Variants in PDE4B observed in about 807,000 individuals in gnomAD.
The protein encoded by PDE4B is phosphodiesterase 4B, also known as 3',5'-cyclic-AMP phosphodiesterase 4B.
Under a neutral mutation model 82.2 loss-of-function variants are expected in PDE4B, and 20 were observed. That is an observed-to-expected ratio of 0.24 (90% CI 0.17 to 0.35). The LOEUF (loss-of-function observed/expected upper bound fraction) is 0.35. PDE4B is among the 10% of genes least tolerant of loss of function. The pLI, the probability that PDE4B is intolerant of heterozygous loss-of-function variation, is 1.00. For synonymous variants in PDE4B, 320 were observed against 318.9 expected (o/e 1.00, Z -0.04); for missense variants, 655 against 907.2 (o/e 0.72, Z 3.57).
At chr1:66,345,798 G>A (rs1443179145) in intron 8 of PDE4B, among the ~76,000 whole-genome samples, 2 of 152,086 alleles carry the variant, frequency 1.3e-5, no homozygotes, top group African/African-American at 4.8e-5. Flanking sequence ...ACCCTCATCT[G>A]GTTCCCAATG....
intron 3 of PDE4B, among the ~76,000 whole-genome samples, chr1:66,085,615 C>A (rs533143744): frequency 5.3e-5 from 8 of 152,162 alleles, no homozygotes; most frequent in African/African-American, 1.9e-4. Context: ...GAAGGGAGAT[C>A]TAGAGGGCCC....
intron 3 of PDE4B, among the ~76,000 whole-genome samples, chr1:66,072,559 T>A (rs775196992): frequency 6.6e-6 from 1 of 151,798 alleles, no homozygotes; most frequent in Non-Finnish European, 1.5e-5. Flanking sequence ...GAGAGTGGAG[T>A]TTTCCCTGTT....
In PDE4B at chr1:66,372,983, G is replaced by T. The variant is rs968312365; in HGVS notation, c.*305G>T. The T allele has an allele frequency of 3.7e-6, 1 of 273,586 alleles. No individual in the cohort carries two copies. The allele number at this position is 273,586 out of a possible 1,614,324, so 16.9% of individuals were successfully genotyped here. A position where few individuals can be genotyped will look rare whatever the true frequency, so the allele number is the denominator to read the frequency against. On this transcript the variant is annotated 3_prime_UTR_variant, in exon 17 of 17. Coordinates refer to ENST00000341517, the MANE Select transcript of PDE4B (RefSeq NM_002600.4). ...AAACTGAGAGATCATTCTGCACTAA[G>T]TTTCGGGAACTTATCCCCGACAGTG...
chr1:66,097,147 T>C (rs1645134455), intron 3 of PDE4B, among the ~76,000 whole-genome samples: 1 of 152,066 alleles, frequency 6.6e-6, no homozygotes, highest in East Asian at 1.9e-4. Flanking sequence ...GCATAATAAG[T>C]ATACGTTCAA....
At chr1:65,958,451 T>G (rs1393999693) in intron 3 of PDE4B, among the ~76,000 whole-genome samples, 1 of 152,088 alleles carries the variant, frequency 6.6e-6, no homozygotes, top group Non-Finnish European at 1.5e-5. Flanking sequence ...TTGTGGTATT[T>G]TAAAAAGTAT....
intron 3 of PDE4B, among the ~76,000 whole-genome samples, chr1:66,011,365 A>C (rs1051426746): frequency 6.6e-6 from 1 of 152,060 alleles, no homozygotes; most frequent in Non-Finnish European, 1.5e-5. Context: ...GTTGCTTGTC[A>C]CTAATACGTA....
chr1:66,096,181 T>C (rs1645110293), intron 3 of PDE4B, among the ~76,000 whole-genome samples: 1 of 151,786 alleles, frequency 6.6e-6, no homozygotes, highest in Non-Finnish European at 1.5e-5. Context: ...TTCCTTACCC[T>C]TCCTAGCCTC....
At chr1:66,126,047 C>T (rs1466715270) in intron 3 of PDE4B, among the ~76,000 whole-genome samples, 2 of 152,162 alleles carry the variant, frequency 1.3e-5, no homozygotes, top group Non-Finnish European at 2.9e-5. Context: ...CTCAGGTGAT[C>T]CACCCACCTC....
At chr1:65,841,293 A>G (rs1646203904) in intron 1 of PDE4B, among the ~76,000 whole-genome samples, 1 of 151,748 alleles carries the variant, frequency 6.6e-6, no homozygotes, top group Non-Finnish European at 1.5e-5. Context: ...ATAGAGCGAG[A>G]CTCTGCCTTC....
intron 7 of PDE4B, among the ~76,000 whole-genome samples, chr1:66,316,665 A>G (rs1401649555): frequency 6.6e-6 from 1 of 152,242 alleles, no homozygotes; most frequent in Non-Finnish European, 1.5e-5. Flanking sequence ...CCAAACACTG[A>G]AATCTTTAAT....
At chr1:65,922,736 A>G (rs1181344823) in intron 3 of PDE4B, among the ~76,000 whole-genome samples, 1 of 152,198 alleles carries the variant, frequency 6.6e-6, no homozygotes, top group Admixed American at 6.5e-5. Flanking sequence ...ACCAAGAAAG[A>G]TTAAATTATT....
At chr1:65,958,937 T>C (rs1649409456) in intron 3 of PDE4B, among the ~76,000 whole-genome samples, 1 of 152,212 alleles carries the variant, frequency 6.6e-6, no homozygotes, top group African/African-American at 2.4e-5. Flanking sequence ...ATCAGAAAAG[T>C]ATTACAGAAG....
At chr1:65,941,476 C>G (rs1432730686) in intron 3 of PDE4B, among the ~76,000 whole-genome samples, 1 of 152,046 alleles carries the variant, frequency 6.6e-6, no homozygotes, top group East Asian at 1.9e-4. Context: ...AGGTTTCCTT[C>G]TGATGCCTTG....
At chr1:66,193,001 G>A (rs561119498) in intron 3 of PDE4B, among the ~76,000 whole-genome samples, 1 of 152,210 alleles carries the variant, frequency 6.6e-6, no homozygotes, top group South Asian at 2.1e-4. Flanking sequence ...TGCCATTAAA[G>A]CCTACTTTTA....
intron 3 of PDE4B, among the ~76,000 whole-genome samples, chr1:66,173,580 T>C (rs1039118868): frequency 1.3e-5 from 2 of 152,336 alleles, no homozygotes; most frequent in Admixed American, 6.5e-5. Flanking sequence ...GTGATCAAAA[T>C]GGAACATCAC....
rs921477516 is a variant in PDE4B, at chr1:66,363,457, C to T, written c.1170C>T (p.Thr390=). ...TFRISSDTFI[T]YMMTLEDHYH... ...GAATCTCATCTGACACATTTATAAC[C>T]TACATGATGACTTTAGAAGACCATT... The change falls in exon 12 of 17, where the codon ACC becomes ACT. Residue 390 remains threonine (T), a synonymous_variant. Transcript: ENST00000341517. The T allele has an allele frequency of 1.2e-6, 2 of 1,613,398 alleles. No individual in the cohort carries two copies. Among genetic ancestry groups the T allele is most frequent in the African/African-American group, 2.7e-5 (2 of 75,008 alleles).
intron 3 of PDE4B, among the ~76,000 whole-genome samples, chr1:66,219,364 T>C (rs904609483): frequency 6.6e-6 from 1 of 152,184 alleles, no homozygotes; most frequent in Admixed American, 6.6e-5. Flanking sequence ...TTGAAACTTA[T>C]TAGTAAATCA....
rs1052986921 is a variant in PDE4B, at chr1:66,257,988, T to C, written c.584+125T>C. ...CTCTAAGCTAAGTTAATATACACAA[T>C]AAAATTTGAAAACAGGATGGAGCAC... is the stretch of plus-strand genomic sequence containing the variant. On this transcript the variant is annotated intron_variant, in intron 6 of 16. Transcript: ENST00000341517. 6 of 659,826 alleles carry C rather than the reference T, an allele frequency of 9.1e-6. No individual in the cohort carries two copies. In the Middle Eastern group the frequency reaches 1.5e-3, roughly 161 times the overall value. 40.9% of individuals were successfully genotyped at this position (659,826 alleles called of 1,614,324 possible).
intron 1 of PDE4B, among the ~76,000 whole-genome samples, chr1:65,874,950 G>T (rs1346102725): frequency 4.0e-5 from 6 of 151,866 alleles, no homozygotes; most frequent in African/African-American, 1.5e-4. Flanking sequence ...ATTGACAAAT[G>T]GGATCTAATT....
Sources: allele counts gnomAD v4.1 joint callset (sites outside exome capture counted in the v4.1 genomes callset), GRCh38; gene constraint gnomAD v4.1.1; transcripts MANE v1.5; gene names NCBI Gene and HGNC (gene_info 2026-07-23, HGNC 2026-07-21).